The following SUCLG2 variants were observed in gnomAD, a reference collection of about 807,000 sequenced individuals.
The protein encoded by SUCLG2 is succinate-CoA ligase GDP-forming subunit beta.
SUCLG2 carries 42 observed loss-of-function variants against 47.9 expected under a neutral mutation model. The observed-to-expected ratio is 0.88, with a 90% confidence interval of 0.69 to 1.14. The LOEUF (loss-of-function observed/expected upper bound fraction) is 1.14. SUCLG2 is among the 50% of genes most tolerant of loss of function. The pLI, the probability that SUCLG2 is intolerant of heterozygous loss-of-function variation, is 0.00. For synonymous variants in SUCLG2, 195 were observed against 197.3 expected (o/e 0.99, Z 0.10); for missense variants, 571 against 525.9 (o/e 1.09, Z -0.84).
Position 67,534,568 on chromosome 3 carries a change from T to C in SUCLG2, c.227-5382A>G, listed in dbSNP as rs984367267. Among the ~76,000 whole-genome samples the C allele has an allele frequency of 2.0e-5, 3 of 151,746 alleles. No individual in the cohort carries two copies. The East Asian group carries it at 5.8e-4, about 29-fold the overall frequency. On this transcript the variant is annotated intron_variant, in intron 2 of 10. Coordinates refer to ENST00000307227, the MANE Select transcript of SUCLG2 (RefSeq NM_003848.4). ...CCGTTAATACACATTTTGTTGGTGATAAAATTTTTAAAGGTAAATAAAAAT... is the reference window on the plus strand; with the variant it reads ...CCGTTAATACACATTTTGTTGGTGACAAAATTTTTAAAGGTAAATAAAAAT...
chr3:67,525,048 G>A (rs1706216657), intron 4 of SUCLG2, among the ~76,000 whole-genome samples: 1 of 152,128 alleles, frequency 6.6e-6, no homozygotes, highest in Non-Finnish European at 1.5e-5. Context: ...CTTTAAAAGA[G>A]AACAATGTAT....
chr3:67,540,751 G>A (rs905259610), intron 2 of SUCLG2, among the ~76,000 whole-genome samples: 8 of 152,170 alleles, frequency 5.3e-5, no homozygotes, highest in Non-Finnish European at 1.2e-4. Flanking sequence ...CCCCCTTACT[G>A]GGAGACACCT....
intron 1 of SUCLG2, among the ~76,000 whole-genome samples, chr3:67,641,847 G>C (rs1701107152): frequency 6.6e-6 from 1 of 152,194 alleles, no homozygotes; most frequent in African/African-American, 2.4e-5. Flanking sequence ...GGCTGTGAGG[G>C]AGAATCTGGT....
At chr3:67,538,968 T>G (rs1276366782) in intron 2 of SUCLG2, among the ~76,000 whole-genome samples, 1 of 152,236 alleles carries the variant, frequency 6.6e-6, no homozygotes, top group Non-Finnish European at 1.5e-5. Flanking sequence ...GCAGAGACGA[T>G]GGGGTTTTCT....
rs893809455 is a variant in SUCLG2 at position 67,512,832 on chromosome 3, A to C, written c.661-3929T>G. On this transcript the variant is annotated intron_variant, in intron 6 of 10. Transcript: ENST00000307227. The stretch of plus-strand genomic sequence containing the variant: ...AACATCATTCTACTTTGTGTCTATA[A>C]ATTTGACTATTCTAGATAGCATCTC... Among the ~76,000 whole-genome samples, 8 of 149,700 alleles carry C rather than the reference A, an allele frequency of 5.3e-5. 1 individual carries two copies. Among genetic ancestry groups the C allele is most frequent in the African/African-American group, 2.0e-4 (8 of 39,682 alleles).
intron 2 of SUCLG2, among the ~76,000 whole-genome samples, chr3:67,542,710 T>A (rs1404211085): frequency 6.6e-6 from 1 of 151,732 alleles, no homozygotes; most frequent in African/African-American, 2.4e-5. Context: ...CTAACAAAGA[T>A]CAAAAGAGAC....
At chr3:67,403,148 T>C (rs1436017903) in intron 9 of SUCLG2, among the ~76,000 whole-genome samples, 1 of 152,186 alleles carries the variant, frequency 6.6e-6, no homozygotes, top group Non-Finnish European at 1.5e-5. Context: ...AAAATTTAAC[T>C]ACTTTAGTTG....
intron 9 of SUCLG2, chr3:67,409,168 T>C: frequency 1.0e-6 from 1 of 973,328 alleles, no homozygotes; most frequent in African/African-American, 1.7e-5. Context: ...TGGCATTTCC[T>C]AGTTAGATGG....
chr3:67,510,749 A>G (rs1317799792), intron 6 of SUCLG2, among the ~76,000 whole-genome samples: 1 of 152,198 alleles, frequency 6.6e-6, no homozygotes, highest in Non-Finnish European at 1.5e-5. Flanking sequence ...TGTTTCTAAT[A>G]GGTTGACATT....
intron 2 of SUCLG2, among the ~76,000 whole-genome samples, chr3:67,542,678 C>G (rs1007770457): frequency 1.3e-5 from 2 of 152,098 alleles, no homozygotes; most frequent in Non-Finnish European, 2.9e-5. Flanking sequence ...TAATCCTAGT[C>G]TGGGGTAAAA....
At chr3:67,510,873 G>A (rs1312809705) in intron 6 of SUCLG2, among the ~76,000 whole-genome samples, 4 of 149,510 alleles carry the variant, frequency 2.7e-5, no homozygotes, top group African/African-American at 7.4e-5. Context: ...ACATCAAAAG[G>A]TTCTGTTAAA....
At chr3:67,411,616 T>A (rs1363678372) in intron 9 of SUCLG2, among the ~76,000 whole-genome samples, 2 of 152,184 alleles carry the variant, frequency 1.3e-5, no homozygotes. Context: ...AACACATACA[T>A]GTTTTATTCA....
intron 1 of SUCLG2, among the ~76,000 whole-genome samples, chr3:67,629,238 T>C (rs528639045): frequency 6.6e-6 from 1 of 152,274 alleles, no homozygotes; most frequent in South Asian, 2.1e-4. Context: ...AAAAATTCCA[T>C]TCAATTCTCA....
intron 9 of SUCLG2, among the ~76,000 whole-genome samples, chr3:67,439,929 C>A (rs1703716508): frequency 6.6e-6 from 1 of 152,168 alleles, no homozygotes; most frequent in Non-Finnish European, 1.5e-5. Flanking sequence ...CCAAGACAAT[C>A]CTAAGCAAAA....
At chr3:67,512,580 T>C (rs1270061399) in intron 6 of SUCLG2, among the ~76,000 whole-genome samples, 7 of 151,038 alleles carry the variant, frequency 4.6e-5, no homozygotes, top group Non-Finnish European at 7.4e-5. Context: ...TATATATATA[T>C]GTATAATCTA....
chr3:67,583,302 C>G (rs891355735), intron 2 of SUCLG2, among the ~76,000 whole-genome samples: 4 of 152,202 alleles, frequency 2.6e-5, no homozygotes, highest in Non-Finnish European at 5.9e-5. Context: ...CACCATCCTC[C>G]CCGCTTGCCT....
chr3:67,578,479 G>A (rs938904789), intron 2 of SUCLG2, among the ~76,000 whole-genome samples: 2 of 151,996 alleles, frequency 1.3e-5, no homozygotes, highest in African/African-American at 4.8e-5. Flanking sequence ...GAAAGCAAAA[G>A]CATGTGAAAA....
chr3:67,362,618 C>T (rs1254124141), intron 10 of SUCLG2, among the ~76,000 whole-genome samples: 1 of 152,138 alleles, frequency 6.6e-6, no homozygotes, highest in African/African-American at 2.4e-5. Context: ...TGTATCCTAA[C>T]GCAGCAGATA....
intron 2 of SUCLG2, among the ~76,000 whole-genome samples, chr3:67,555,545 C>T (rs144929378): frequency 7.8e-4 from 119 of 152,096 alleles, no homozygotes; most frequent in Non-Finnish European, 1.6e-3. Flanking sequence ...TGGCTGATAC[C>T]AGGGCTGGGA....
Sources: gnomAD v4.1 joint callset for allele counts (sites outside exome capture counted in the v4.1 genomes callset) on GRCh38, gnomAD v4.1.1 for gene constraint, MANE v1.5 for transcripts, NCBI Gene and HGNC (gene_info 2026-07-23, HGNC 2026-07-21) for gene names.